The following DNAH11 variants were observed in gnomAD, a reference collection of about 807,000 sequenced individuals.
DNAH11 encodes dynein axonemal heavy chain 11.
DNAH11 carries 442 observed loss-of-function variants against 526.0 expected under a neutral mutation model. That is an observed-to-expected ratio of 0.84 (90% CI 0.78 to 0.91). The LOEUF is 0.91. DNAH11 is among the 40% of genes least tolerant of loss of function. The pLI is 0.00. For missense variants in DNAH11, 6,989 were observed against 5,448.7 expected, an observed-to-expected ratio of 1.28 and a Z score of -8.90; for synonymous variants, 2,461 against 1,935.9, an observed-to-expected ratio of 1.27 and a Z score of -7.12.
intron 65 of DNAH11, among the ~76,000 whole-genome samples, chr7:21,834,618 A>G: frequency 6.6e-6 from 1 of 152,204 alleles, no homozygotes; most frequent in Non-Finnish European, 1.5e-5. Context: ...GCGTCGCTTG[A>G]GGACAGGAGT....
chr7:21,856,655 C>T (rs1782861558), intron 68 of DNAH11, among the ~76,000 whole-genome samples: 1 of 151,666 alleles, frequency 6.6e-6, no homozygotes, highest in Admixed American at 6.6e-5. Context: ...GAATGTATGC[C>T]AAGAATCAAA....
At chr7:21,568,776 A>T (rs1402892022) in intron 6 of DNAH11, among the ~76,000 whole-genome samples, 1 of 152,212 alleles carries the variant, frequency 6.6e-6, no homozygotes, top group Non-Finnish European at 1.5e-5. Context: ...GGGCCACTCG[A>T]GCAAAAGATG....
chr7:21,900,957 C>G (rs776498919), intron 81 of DNAH11, 50 bp from the exon 82 acceptor site: 1 of 1,517,056 alleles, frequency 6.6e-7, no homozygotes, highest in African/African-American at 1.4e-5. Context: ...TGATCATTAT[C>G]ATTAGTAGCA....
chr7:21,698,863 C>T (rs1783954687), intron 36 of DNAH11, among the ~76,000 whole-genome samples: 1 of 152,046 alleles, frequency 6.6e-6, no homozygotes, highest in African/African-American at 2.4e-5. Flanking sequence ...AATGGAGATT[C>T]CTTTAAAAAC....
In DNAH11 at chr7:21,901,196, GCGA is replaced by G; in HGVS notation, c.13494_13496del (p.Ser4498_Glu4499delinsArg). 6.2e-7 allele frequency: 1 copy of G among 1,613,946 alleles called. No individual in the cohort carries two copies. Among genetic ancestry groups the G allele is most frequent in the Non-Finnish European group, 8.5e-7 (1 of 1,179,836 alleles). On this transcript the variant is annotated inframe_deletion, in exon 82 of 82. Transcript: ENST00000409508. ...TACATCTGGACCTTCAGGCTGAAGA[GCGA>G]AGAGAAGACTGCAAAATGGGTTCTG...
intron 2 of DNAH11, among the ~76,000 whole-genome samples, chr7:21,556,978 T>C (rs1292882842): frequency 6.6e-6 from 1 of 151,912 alleles, no homozygotes; most frequent in African/African-American, 2.4e-5. Context: ...GGAGAATCGC[T>C]TGAACCCAGG....
rs1782878667 is a variant in DNAH11, at chr7:21,676,249, G to GTAGGTAGAC, written c.5329-5295_5329-5287dup. ...ATAGCCACTTGAGTTTCAAAGGGGC[G>GTAGGTAGAC]TAGGTAGACTTGAGCCAAGACACCC... On this transcript the variant is annotated intron_variant, in intron 30 of 81. Coordinates refer to ENST00000409508, the MANE Select transcript of DNAH11 (RefSeq NM_001277115.2). 2.6e-5 allele frequency among the ~76,000 whole-genome samples: 4 copies of GTAGGTAGAC among 152,208 alleles called. No individual in the cohort carries two copies. The South Asian group carries it at 8.3e-4, about 31-fold the overall frequency.
chr7:21,638,687 ATGGGGTGTGT>A (rs1786977483), intron 27 of DNAH11, among the ~76,000 whole-genome samples: 1 of 119,048 alleles, frequency 8.4e-6, no homozygotes, highest in Non-Finnish European at 1.7e-5. Context: ...GCCACAGCTA[ATGGGGTGTGT>A]GTGTGTGTGT....
At chr7:21,576,689 C>A (rs140465608) in intron 8 of DNAH11, among the ~76,000 whole-genome samples, 1 of 152,128 alleles carries the variant, frequency 6.6e-6, no homozygotes, top group East Asian at 1.9e-4. Context: ...TCAGCTTACT[C>A]GTGAAGACCT....
intron 74 of DNAH11, among the ~76,000 whole-genome samples, chr7:21,879,488 T>G (rs1783834414): frequency 6.6e-6 from 1 of 152,016 alleles, no homozygotes; most frequent in Non-Finnish European, 1.5e-5. Context: ...CTCACAGGTC[T>G]AGACACATGT....
At chr7:21,618,808 G>T (rs1785904085) in intron 23 of DNAH11, among the ~76,000 whole-genome samples, 1 of 152,126 alleles carries the variant, frequency 6.6e-6, no homozygotes, top group Non-Finnish European at 1.5e-5. Context: ...TTAAAAATGG[G>T]TTTTGTGGGC....
At chr7:21,578,093 A>G (rs1784169005) in intron 8 of DNAH11, among the ~76,000 whole-genome samples, 1 of 152,186 alleles carries the variant, frequency 6.6e-6, no homozygotes, top group African/African-American at 2.4e-5. Flanking sequence ...CATAGTGTTC[A>G]GAGAGAGAGC....
rs1297030088 is a variant in DNAH11, at chr7:21,748,635, G to C, written c.8566G>C (p.Val2856Leu). The change falls in exon 52 of 82, where the codon GTT becomes CTT. Residue 2856 changes from valine to leucine, a missense_variant. By Grantham distance (32) the Val-to-Leu change is conservative (BLOSUM62 1). Coordinates refer to ENST00000409508, the MANE Select transcript of DNAH11 (RefSeq NM_001277115.2). ...TCAGGGCTGTGCTCTCTTGGTTGGA[G>C]TTGGGGGCAGTGGCAAGCAGAGCTT... Reference protein sequence around the residue: ...TPQGCALLVGVGGSGKQSLSR... With the variant: ...TPQGCALLVGLGGSGKQSLSR... The C allele has an allele frequency of 6.2e-7, 1 of 1,613,160 alleles. No individual in the cohort carries two copies. The highest frequency in any genetic ancestry group is 1.1e-5 in the South Asian group (1 of 90,904).
chr7:21,875,829 G>A (rs1026447419), intron 74 of DNAH11, among the ~76,000 whole-genome samples: 9 of 150,412 alleles, frequency 6.0e-5, no homozygotes, highest in Admixed American at 5.3e-4. Context: ...ATTAATTGAA[G>A]GTTACTTTTA....
chr7:21,733,962 T>C lies in DNAH11; in HGVS notation c.7441-1678T>C, dbSNP rs556745013. On this transcript the variant is annotated intron_variant, in intron 45 of 81. Coordinates refer to ENST00000409508, the MANE Select transcript of DNAH11 (RefSeq NM_001277115.2). Reference sequence around the variant, plus strand: ...TGGAATTAAAGGAGTTTTGGGAACATTGGACTTTGAATTTTAAAACTGGGA... The same window carrying C: ...TGGAATTAAAGGAGTTTTGGGAACACTGGACTTTGAATTTTAAAACTGGGA... Among the ~76,000 whole-genome samples the C allele has an allele frequency of 5.3e-5, 8 of 152,252 alleles. No homozygotes were observed. In the South Asian group the frequency reaches 6.2e-4, roughly 12 times the overall value.
intron 38 of DNAH11, 85 bp from the exon 39 acceptor site, chr7:21,705,374 GA>G: frequency 7.2e-7 from 1 of 1,386,260 alleles, no homozygotes; most frequent in Non-Finnish European, 1.0e-6. Flanking sequence ...TGGGTGTAAG[GA>G]AAGAAGAATT....
chr7:21,742,301 T>A, intron 49 of DNAH11, 135 bp downstream of exon 49: 1 of 1,098,060 alleles, frequency 9.1e-7, no homozygotes, highest in East Asian at 2.6e-5. Context: ...TTTAATTGGC[T>A]TATGGTTCTG....
intron 76 of DNAH11, among the ~76,000 whole-genome samples, chr7:21,891,309 G>GAA (rs1391502143): frequency 6.6e-6 from 1 of 152,170 alleles, no homozygotes; most frequent in Admixed American, 6.5e-5. Flanking sequence ...AATCTAGGTA[G>GAA]AAAATAGCTA....
chr7:21,543,633 C>G, intron 1 of DNAH11, 37 bp downstream of exon 1: 1 of 1,551,226 alleles, frequency 6.4e-7, no homozygotes, highest in Non-Finnish European at 8.7e-7. Flanking sequence ...GCCCATCCAA[C>G]AAAACTACCC....
Sources: gnomAD v4.1 joint callset for allele counts (sites outside exome capture counted in the v4.1 genomes callset) on GRCh38, gnomAD v4.1.1 for gene constraint, MANE v1.5 for transcripts, NCBI Gene and HGNC (gene_info 2026-07-23, HGNC 2026-07-21) for gene names.